Variants in SLC2A13 observed in about 807,000 individuals in gnomAD.
The protein encoded by SLC2A13 is solute carrier family 2 member 13.
SLC2A13 carries 32 observed loss-of-function variants against 64.4 expected under a neutral mutation model. That is an observed-to-expected ratio of 0.50 (90% CI 0.37 to 0.67). The LOEUF (loss-of-function observed/expected upper bound fraction) is 0.67. Ranked by LOEUF, SLC2A13 falls within the 30% of genes least tolerant of loss-of-function variation. The pLI, the probability that SLC2A13 is intolerant of heterozygous loss-of-function variation, is 0.00. For synonymous variants in SLC2A13, 338 were observed against 327.1 expected (o/e 1.03, Z -0.36); for missense variants, 743 against 829.2 (o/e 0.90, Z 1.28).
intron 7 of SLC2A13, among the ~76,000 whole-genome samples, chr12:39,780,778 C>A (rs182770800): frequency 6.6e-6 from 1 of 152,024 alleles, no homozygotes; most frequent in Non-Finnish European, 1.5e-5. Context: ...AATACATACA[C>A]GAAAACATGG....
At chr12:39,870,374 C>T (rs1302327077) in intron 5 of SLC2A13, among the ~76,000 whole-genome samples, 2 of 152,152 alleles carry the variant, frequency 1.3e-5, no homozygotes, top group African/African-American at 4.8e-5. Context: ...CACATCACTG[C>T]CTGATAGTAA....
At chr12:39,951,969 ATGTGTGTGTACGTGTG>A (rs533611242) in intron 3 of SLC2A13, among the ~76,000 whole-genome samples, 16 of 152,058 alleles carry the variant, frequency 1.1e-4, no homozygotes, top group African/African-American at 3.6e-4. Flanking sequence ...AGATGTGTGT[ATGTGTGTGTACGTGTG>A]TGTGTGTGTG....
chr12:40,068,028 T>C (rs530480027), intron 1 of SLC2A13, among the ~76,000 whole-genome samples: 1 of 152,194 alleles, frequency 6.6e-6, no homozygotes, highest in Non-Finnish European at 1.5e-5. Flanking sequence ...CTCAGCCTCC[T>C]GAGTAGCTTG....
At chr12:40,020,345 A>G (rs1030183095) in intron 3 of SLC2A13, among the ~76,000 whole-genome samples, 1 of 152,166 alleles carries the variant, frequency 6.6e-6, no homozygotes, top group Non-Finnish European at 1.5e-5. Flanking sequence ...GGCTGTTCTC[A>G]TGATAGTGAG....
At chr12:40,100,558 C>T (rs1470721754) in intron 1 of SLC2A13, among the ~76,000 whole-genome samples, 1 of 152,160 alleles carries the variant, frequency 6.6e-6, no homozygotes, top group African/African-American at 2.4e-5. Context: ...TGAGCAAACT[C>T]ATATTCTTCA....
At chr12:39,843,264 A>T (rs1370918161) in intron 6 of SLC2A13, among the ~76,000 whole-genome samples, 1 of 152,054 alleles carries the variant, frequency 6.6e-6, no homozygotes, top group African/African-American at 2.4e-5. Context: ...GTACAGAATG[A>T]GTCAGGTTTT....
At chr12:39,874,928 C>T (rs4423249) in intron 4 of SLC2A13, among the ~76,000 whole-genome samples, 88,828 of 152,002 alleles carry the variant, frequency 0.58, 26,225 homozygotes, top group East Asian at 0.76. Flanking sequence ...TAATGGAAAA[C>T]AGTAAGGGGA....
At chr12:39,799,655 C>T (rs566344336) in intron 7 of SLC2A13, among the ~76,000 whole-genome samples, 16 of 152,150 alleles carry the variant, frequency 1.1e-4, no homozygotes, top group Non-Finnish European at 2.4e-4. Flanking sequence ...GACCACAAAA[C>T]AGTATGTACA....
intron 7 of SLC2A13, chr12:39,829,486 A>C (rs144194252): frequency 1.3e-4 from 11 of 83,302 alleles, no homozygotes; most frequent in African/African-American, 7.1e-4. Context: ...AGCTCACTGC[A>C]ATCTCTATCT....
intron 1 of SLC2A13, among the ~76,000 whole-genome samples, chr12:40,095,097 C>T (rs1051526735): frequency 7.9e-5 from 12 of 152,340 alleles, no homozygotes; most frequent in Middle Eastern, 6.8e-3. Flanking sequence ...TGTATCATGA[C>T]CCCTTGCTAA....
At chr12:39,904,965 C>T (rs1464565028) in intron 4 of SLC2A13, among the ~76,000 whole-genome samples, 2 of 152,050 alleles carry the variant, frequency 1.3e-5, no homozygotes, top group East Asian at 1.9e-4. Context: ...GACGTGCAGG[C>T]AAACTATCCC....
intron 3 of SLC2A13, among the ~76,000 whole-genome samples, chr12:39,986,279 AC>A (rs1290443659): frequency 6.6e-6 from 1 of 152,062 alleles, no homozygotes; most frequent in Non-Finnish European, 1.5e-5. Context: ...AGGGACACAA[AC>A]ATTTGGACCA....
intron 4 of SLC2A13, among the ~76,000 whole-genome samples, chr12:39,924,400 A>C (rs968510451): frequency 6.6e-6 from 1 of 152,150 alleles, no homozygotes; most frequent in South Asian, 2.1e-4. Context: ...TCTGCTGTAA[A>C]TGATTCTGCA....
chr12:39,976,545 G>A (rs1352073811), intron 3 of SLC2A13, among the ~76,000 whole-genome samples: 1 of 151,906 alleles, frequency 6.6e-6, no homozygotes, highest in African/African-American at 2.4e-5. Flanking sequence ...TTGTAACAAT[G>A]TTTTAATTTT....
chr12:40,068,760 T>C (rs1426387011), intron 1 of SLC2A13, among the ~76,000 whole-genome samples: 1 of 147,736 alleles, frequency 6.8e-6, no homozygotes, highest in Non-Finnish European at 1.5e-5. Flanking sequence ...AATAACATAC[T>C]CTACAAAAAA....
At position 39,853,559 on chromosome 12, in the gene SLC2A13, TTCTC is replaced by T. The variant is rs1943525245; in HGVS notation, c.1319+11199_1319+11202del. On this transcript the variant is annotated intron_variant, in intron 6 of 9. Coordinates refer to ENST00000280871, the MANE Select transcript of SLC2A13 (RefSeq NM_052885.4). ...CCTTTCTTTTCTTTTCTTTCTTTCT[TTCTC>T]TTTTTCCTTCCTTTCTTCCTTCCTT... Among the ~76,000 whole-genome samples the T allele has an allele frequency of 9.2e-5, 14 of 151,628 alleles. No individual in the cohort carries two copies. In the South Asian group the frequency reaches 2.7e-3, roughly 29 times the overall value.
intron 3 of SLC2A13, among the ~76,000 whole-genome samples, chr12:40,001,394 A>G (rs1947319690): frequency 6.6e-6 from 1 of 152,250 alleles, no homozygotes. Context: ...ATGTATTTTC[A>G]CTGTCTTAGC....
chr12:40,038,001 A>G (rs1047139184), intron 2 of SLC2A13, among the ~76,000 whole-genome samples: 2 of 152,112 alleles, frequency 1.3e-5, no homozygotes, highest in Admixed American at 6.5e-5. Context: ...GTTAACATTG[A>G]CCTCTGCTCT....
Position 39,764,323 on chromosome 12 carries a change from G to C in SLC2A13, c.1720+137C>G, listed in dbSNP as rs891567349. ...CAGACACATTTCCGATGCCTTTGGA[G>C]GACAAGAAAGCCACATGGAGATACT... On this transcript the variant is annotated intron_variant, in intron 9 of 9. Transcript: ENST00000280871. 8 of 734,750 alleles carry C rather than the reference G, an allele frequency of 1.1e-5. No individual in the cohort carries two copies. In the African/African-American group the frequency reaches 1.4e-4, roughly 13 times the overall value. 45.5% of individuals were successfully genotyped at this position (734,750 alleles called of 1,614,324 possible).
Sources: gnomAD v4.1 joint callset for allele counts (sites outside exome capture counted in the v4.1 genomes callset) on GRCh38, gnomAD v4.1.1 for gene constraint, MANE v1.5 for transcripts, NCBI Gene and HGNC (gene_info 2026-07-23, HGNC 2026-07-21) for gene names.